The following PAX5 variants were observed in gnomAD, a reference collection of about 807,000 sequenced individuals.
PAX5 encodes the protein paired box protein Pax-5.
A neutral mutation model predicts 43.7 loss-of-function variants in PAX5; 9 were observed. The ratio of observed to expected loss-of-function variants is 0.21; its 90% CI spans 0.12 to 0.36. PAX5 has a LOEUF of 0.36. Among genes scored for constraint, PAX5 ranks in the 10% least tolerant of loss-of-function variants. The probability of loss-of-function intolerance (pLI) is 1.00; values close to 1 mark genes in which losing one functional copy is unlikely to be tolerated. For synonymous variants in PAX5, 228 were observed against 214.3 expected, an observed-to-expected ratio of 1.06 and a Z score of -0.56; for missense variants, 383 against 532.7, an observed-to-expected ratio of 0.72 and a Z score of 2.77.
intron 6 of PAX5, among the ~76,000 whole-genome samples, chr9:36,948,229 C>T (rs764674459): frequency 6.6e-6 from 1 of 152,184 alleles, no homozygotes; most frequent in Admixed American, 6.5e-5. Context: ...TGGCTCTTAC[C>T]GCCTTGCCAT....
chr9:36,877,626 T>C, intron 8 of PAX5, among the ~76,000 whole-genome samples: 1 of 152,200 alleles, frequency 6.6e-6, no homozygotes, highest in African/African-American at 2.4e-5. Flanking sequence ...AATGGCATCA[T>C]CATCTTCAGC....
intron 8 of PAX5, among the ~76,000 whole-genome samples, chr9:36,852,592 C>T (rs575261955): frequency 2.0e-5 from 3 of 152,318 alleles, no homozygotes; most frequent in South Asian, 2.1e-4. Flanking sequence ...GTGAGGAGGA[C>T]GCGGAGCAGA....
At chr9:36,860,659 G>A (rs190436741) in intron 8 of PAX5, among the ~76,000 whole-genome samples, 1 of 152,302 alleles carries the variant, frequency 6.6e-6, no homozygotes, top group East Asian at 1.9e-4. Flanking sequence ...TTTCGCTAGC[G>A]TCCTCAGAGG....
intron 5 of PAX5, among the ~76,000 whole-genome samples, chr9:36,991,177 CA>C (rs1320662447): frequency 1.3e-4 from 19 of 151,840 alleles, no homozygotes; most frequent in African/African-American, 3.9e-4. Flanking sequence ...CCTAAAGCAC[CA>C]AAAAGATTTC....
intron 6 of PAX5, among the ~76,000 whole-genome samples, chr9:36,939,830 A>C (rs1831889756): frequency 6.6e-6 from 1 of 151,678 alleles, no homozygotes; most frequent in Non-Finnish European, 1.5e-5. Flanking sequence ...AGAGAGTGAG[A>C]GAGCGCTCGC....
chr9:36,860,180 T>C (rs1563901175), intron 8 of PAX5, among the ~76,000 whole-genome samples: 2 of 148,610 alleles, frequency 1.3e-5, no homozygotes, highest in Non-Finnish European at 3.0e-5. Context: ...CTACTAAAAA[T>C]AGAAAAATTA....
intron 5 of PAX5, among the ~76,000 whole-genome samples, chr9:36,970,404 G>A (rs1306490707): frequency 1.3e-5 from 2 of 152,178 alleles, no homozygotes; most frequent in Admixed American, 1.3e-4. Flanking sequence ...GAGAGGCTGG[G>A]AGGGATTGAG....
At chr9:37,012,569 C>T (rs573590468) in intron 3 of PAX5, among the ~76,000 whole-genome samples, 92 of 152,372 alleles carry the variant, frequency 6.0e-4, no homozygotes, top group African/African-American at 2.2e-3. Context: ...CAGGTCCAGG[C>T]AGAAAACATC....
chr9:37,027,969 GA>G (rs1375127418), intron 1 of PAX5, among the ~76,000 whole-genome samples: 1 of 152,246 alleles, frequency 6.6e-6, no homozygotes, highest in Non-Finnish European at 1.5e-5. Flanking sequence ...GTGGGGAGGG[GA>G]AAGGGGCCCA....
At chr9:37,018,162 T>C (rs1255204950) in intron 2 of PAX5, among the ~76,000 whole-genome samples, 1 of 152,088 alleles carries the variant, frequency 6.6e-6, no homozygotes, top group East Asian at 1.9e-4. Context: ...AAGACAGAAA[T>C]ACAGACGGTT....
At chr9:36,928,465 C>T (rs980608688) in intron 6 of PAX5, among the ~76,000 whole-genome samples, 1 of 152,218 alleles carries the variant, frequency 6.6e-6, no homozygotes, top group African/African-American at 2.4e-5. Flanking sequence ...CCTCCATTAT[C>T]ACCATGTAGA....
At chr9:36,974,451 T>C (rs1037222523) in intron 5 of PAX5, among the ~76,000 whole-genome samples, 1 of 152,176 alleles carries the variant, frequency 6.6e-6, no homozygotes, top group African/African-American at 2.4e-5. Flanking sequence ...CTATGAAGTA[T>C]GTATTCTTAT....
intron 6 of PAX5, among the ~76,000 whole-genome samples, chr9:36,945,825 CT>C (rs1351240821): frequency 6.6e-6 from 1 of 152,158 alleles, no homozygotes; most frequent in African/African-American, 2.4e-5. Context: ...CTTCAGTTTC[CT>C]TTTCTGTAAA....
intron 8 of PAX5, among the ~76,000 whole-genome samples, chr9:36,867,992 C>G (rs560845095): frequency 6.6e-6 from 1 of 152,260 alleles, no homozygotes; most frequent in South Asian, 2.1e-4. Context: ...TTCCCGGCCC[C>G]GGGAGGACAA....
At chr9:36,957,636 T>C (rs7876045) in intron 6 of PAX5, among the ~76,000 whole-genome samples, 124,312 of 152,208 alleles carry the variant, frequency 0.82, 51,200 homozygotes, top group East Asian at 0.9. Flanking sequence ...AGCCTGTAGG[T>C]CAGTTGCCTC....
Position 36,886,027 on chromosome 9 carries a change from T to C in PAX5, c.911-3922A>G, listed in dbSNP as rs144289036. On this transcript the variant is annotated intron_variant, in intron 7 of 9. Transcript: ENST00000358127. ...CGGCAAGCAGAAGCTTGATGTGTGC[T>C]TGTGTGGCTGGGTGCCCTTCTCCCT... Among the ~76,000 whole-genome samples, 599 of 152,188 alleles carry C rather than the reference T, an allele frequency of 3.9e-3. 5 individuals carry two copies. The highest frequency in any genetic ancestry group is 0.014 in the African/African-American group (570 of 41,520).
At chr9:36,856,295 G>A (rs955667305) in intron 8 of PAX5, among the ~76,000 whole-genome samples, 1 of 152,228 alleles carries the variant, frequency 6.6e-6, no homozygotes, top group African/African-American at 2.4e-5. Context: ...GAAACATGGA[G>A]ACAGCAAGGC....
chr9:36,995,762 C>T (rs900077047), intron 5 of PAX5, among the ~76,000 whole-genome samples: 4 of 152,104 alleles, frequency 2.6e-5, no homozygotes, highest in Non-Finnish European at 1.5e-5. Flanking sequence ...CCTTCCAGCT[C>T]CCATGGGGGA....
chr9:36,891,467 G>A (rs946872730), intron 7 of PAX5, among the ~76,000 whole-genome samples: 1 of 152,226 alleles, frequency 6.6e-6, no homozygotes, highest in African/African-American at 2.4e-5. Context: ...GGAAATGTGT[G>A]GCAGTTTGAA....
Sources: gnomAD v4.1 joint callset for allele counts (sites outside exome capture counted in the v4.1 genomes callset) on GRCh38, gnomAD v4.1.1 for gene constraint, MANE v1.5 for transcripts, NCBI Gene and HGNC (gene_info 2026-07-23, HGNC 2026-07-21) for gene names.